TCF4: variants seen among roughly 807,000 people sequenced by gnomAD.
TCF4 encodes the protein SL3-3 enhancer factor 2.
Under a neutral mutation model 82.1 loss-of-function variants are expected in TCF4, and 3 were observed. That is an observed-to-expected ratio of 0.04 (90% CI 0.02 to 0.09). TCF4 has a LOEUF of 0.09. Among genes scored for constraint, TCF4 ranks in the 10% least tolerant of loss-of-function variants. The pLI is 1.00. For missense variants in TCF4, 518 were observed against 852.7 expected, an observed-to-expected ratio of 0.61 and a Z score of 4.89; for synonymous variants, 276 against 309.6, an observed-to-expected ratio of 0.89 and a Z score of 1.14.
At chr18:55,558,029 A>G (rs1459973895) in intron 3 of TCF4, among the ~76,000 whole-genome samples, 1 of 152,060 alleles carries the variant, frequency 6.6e-6, no homozygotes, top group Non-Finnish European at 1.5e-5. Context: ...ACATAGTTTG[A>G]TTCAATTTCT....
intron 8 of TCF4, among the ~76,000 whole-genome samples, chr18:55,317,368 C>A (rs1198116179): frequency 6.6e-6 from 1 of 151,922 alleles, no homozygotes; most frequent in Admixed American, 6.6e-5. Context: ...AGCATTTATA[C>A]TGGCTGCTTT....
chr18:55,396,549 C>A (rs927563707), intron 6 of TCF4, among the ~76,000 whole-genome samples: 1 of 152,116 alleles, frequency 6.6e-6, no homozygotes, highest in South Asian at 2.1e-4. Flanking sequence ...TGATGATCAA[C>A]CTTGTGAGAT....
chr18:55,489,267 G>C (rs2096550612), intron 3 of TCF4, among the ~76,000 whole-genome samples: 1 of 152,134 alleles, frequency 6.6e-6, no homozygotes, highest in Non-Finnish European at 1.5e-5. Context: ...GATTCTTCTA[G>C]ATGGGGCCCA....
chr18:55,451,089 G>A (rs2095613941), intron 5 of TCF4, among the ~76,000 whole-genome samples: 1 of 152,162 alleles, frequency 6.6e-6, no homozygotes, highest in Non-Finnish European at 1.5e-5. Flanking sequence ...TTTTGGTCTT[G>A]ATGTTTACAG....
intron 8 of TCF4, among the ~76,000 whole-genome samples, chr18:55,322,635 C>T (rs971946880): frequency 1.3e-5 from 2 of 152,182 alleles, no homozygotes; most frequent in Non-Finnish European, 2.9e-5. Context: ...TTCACCTCGC[C>T]CCGCCGCAGA....
At chr18:55,468,229 C>A (rs911675616) in intron 3 of TCF4, among the ~76,000 whole-genome samples, 1 of 152,130 alleles carries the variant, frequency 6.6e-6, no homozygotes, top group Admixed American at 6.5e-5. Flanking sequence ...ACAGTAAGGC[C>A]AGAGGTATGA....
intron 6 of TCF4, chr18:55,383,839 G>C (rs759494922): frequency 1.3e-5 from 2 of 152,178 alleles, no homozygotes; most frequent in Non-Finnish European, 2.9e-5. Flanking sequence ...AGCCAAATCA[G>C]ACATGAATGA....
chr18:55,411,383 A>G (rs1356303713), intron 5 of TCF4, among the ~76,000 whole-genome samples: 2 of 152,252 alleles, frequency 1.3e-5, no homozygotes, highest in African/African-American at 2.4e-5. Flanking sequence ...AACCAAGGCA[A>G]TTAAGGACTT....
chr18:55,393,678 A>G (rs1352059486), intron 6 of TCF4, among the ~76,000 whole-genome samples: 2 of 152,202 alleles, frequency 1.3e-5, no homozygotes, highest in African/African-American at 4.8e-5. Context: ...CAATTTGCAT[A>G]ATTTTTTTAA....
At chr18:55,503,249 A>G (rs1227355695) in intron 3 of TCF4, among the ~76,000 whole-genome samples, 1 of 152,226 alleles carries the variant, frequency 6.6e-6, no homozygotes, top group Non-Finnish European at 1.5e-5. Context: ...AGAAATAAAA[A>G]CATTCTATCA....
At chr18:55,314,084 T>C (rs1051536944) in intron 8 of TCF4, among the ~76,000 whole-genome samples, 2 of 152,104 alleles carry the variant, frequency 1.3e-5, no homozygotes, top group Non-Finnish European at 2.9e-5. Context: ...AGCCCTAATA[T>C]CCCATATTAT....
intron 8 of TCF4, among the ~76,000 whole-genome samples, chr18:55,309,505 C>T (rs1221166551): frequency 2.6e-5 from 4 of 152,206 alleles, no homozygotes; most frequent in Non-Finnish European, 4.4e-5. Context: ...GGGATGATGA[C>T]TCCTGCATCA....
chr18:55,574,351 G>C (rs1191026077), intron 3 of TCF4, among the ~76,000 whole-genome samples: 1 of 152,064 alleles, frequency 6.6e-6, no homozygotes, highest in African/African-American at 2.4e-5. Context: ...TTGAGACAGA[G>C]TCTTGCTCTG....
chr18:55,367,666 C>T (rs1319277777), intron 6 of TCF4, among the ~76,000 whole-genome samples: 2 of 152,162 alleles, frequency 1.3e-5, no homozygotes, highest in Non-Finnish European at 2.9e-5. Flanking sequence ...TGCAGGAAAA[C>T]ATGAACCAGG....
At chr18:55,493,324 G>A (rs746513144) in intron 3 of TCF4, among the ~76,000 whole-genome samples, 9 of 152,140 alleles carry the variant, frequency 5.9e-5, no homozygotes, top group African/African-American at 9.7e-5. Context: ...ATGAAAAAAG[G>A]AGTTCTCTGG....
At position 55,224,029 on chromosome 18, in the gene TCF4, T is replaced by C. The variant is rs747555931; in HGVS notation, c.*4006A>G. ...TTGCTCCTGCGAAAAATAAGCCAAA[T>C]ATATTTTTTATTTTTAAATTTAGTT... On this transcript the variant is annotated 3_prime_UTR_variant, in exon 20 of 20. Coordinates refer to ENST00000354452, the MANE Select transcript of TCF4 (RefSeq NM_001083962.2). 6.7e-6 allele frequency: 1 copy of C among 150,350 alleles called. No individual in the cohort carries two copies. The highest frequency in any genetic ancestry group is 1.5e-5 in the Non-Finnish European group (1 of 67,556). 9.3% of individuals were successfully genotyped at this position (150,350 alleles called of 1,614,324 possible). A position where few individuals can be genotyped will look rare whatever the true frequency, so the allele number is the denominator to read the frequency against.
intron 6 of TCF4, among the ~76,000 whole-genome samples, chr18:55,384,519 G>T (rs1009641472): frequency 6.6e-6 from 1 of 152,168 alleles, no homozygotes; most frequent in Admixed American, 6.5e-5. Context: ...AACTGGCATA[G>T]GGAAAGAAAT....
In TCF4 at chr18:55,479,977, T is replaced by C. The variant is rs138404335; in HGVS notation, c.146-15840A>G. Among the ~76,000 whole-genome samples the C allele has an allele frequency of 1.6e-3, 241 of 152,278 alleles. 1 individual carries two copies. Among genetic ancestry groups the C allele is most frequent in the African/African-American group, 5.7e-3 (235 of 41,562 alleles). On this transcript the variant is annotated intron_variant, in intron 3 of 19. Transcript: ENST00000354452. ...TCCTTCTTTCCCTTTCAGACTTGTT[T>C]TCCCCTCTTAGCATTTCCTCCCTCT...
chr18:55,250,889 T>C (rs1242968317), intron 15 of TCF4, among the ~76,000 whole-genome samples: 2 of 152,112 alleles, frequency 1.3e-5, no homozygotes, highest in Non-Finnish European at 2.9e-5. Flanking sequence ...GTATGATTCA[T>C]AGGGCTGTAA....
Sources: allele counts gnomAD v4.1 joint callset (sites outside exome capture counted in the v4.1 genomes callset), GRCh38; gene constraint gnomAD v4.1.1; transcripts MANE v1.5; gene names NCBI Gene and HGNC (gene_info 2026-07-23, HGNC 2026-07-21).